GRID2: variants seen among roughly 807,000 people sequenced by gnomAD.
GRID2 encodes the protein glutamate receptor ionotropic, delta-2.
A neutral mutation model predicts 114.8 loss-of-function variants in GRID2; 33 were observed. The observed-to-expected ratio is 0.29, with a 90% confidence interval of 0.22 to 0.38. The LOEUF (loss-of-function observed/expected upper bound fraction) is 0.38. GRID2 is among the 10% of genes least tolerant of loss of function. The pLI is 1.00. For synonymous variants in GRID2, 505 were observed against 449.9 expected (o/e 1.12, Z -1.55); for missense variants, 1,184 against 1,257.7 (o/e 0.94, Z 0.89).
At chr4:92,729,876 T>C (rs1048767295) in intron 2 of GRID2, among the ~76,000 whole-genome samples, 2 of 151,922 alleles carry the variant, frequency 1.3e-5, no homozygotes, top group Non-Finnish European at 2.9e-5. Flanking sequence ...GGGTTTCCCA[T>C]GTACTAAAAC....
chr4:92,663,860 G>A (rs911263641), intron 2 of GRID2, among the ~76,000 whole-genome samples: 1 of 151,064 alleles, frequency 6.6e-6, no homozygotes, highest in Non-Finnish European at 1.5e-5. Context: ...TTTTGGCTAC[G>A]CTGAGTACCT....
At chr4:92,933,077 T>C (rs988814839) in intron 2 of GRID2, among the ~76,000 whole-genome samples, 2 of 150,886 alleles carry the variant, frequency 1.3e-5, no homozygotes, top group Non-Finnish European at 3.0e-5. Flanking sequence ...CATTTTATTT[T>C]ATATACATTA....
At chr4:93,375,095 A>G (rs115060343) in intron 8 of GRID2, among the ~76,000 whole-genome samples, 113 of 152,050 alleles carry the variant, frequency 7.4e-4, no homozygotes, top group African/African-American at 2.6e-3. Flanking sequence ...AATTTCATAA[A>G]CCGTAACCTA....
intron 4 of GRID2, among the ~76,000 whole-genome samples, chr4:93,182,942 T>A (rs1163102401): frequency 1.3e-5 from 2 of 152,196 alleles, no homozygotes; most frequent in Non-Finnish European, 2.9e-5. Context: ...AGTGGCGCCC[T>A]ACAATTTATG....
rs374230276 is a variant in GRID2, at chr4:93,678,112, G to A, written c.2360+51677G>A. Reference sequence around the variant, plus strand: ...CTGATGGAGCCGAAAGCCAAGGCTCGAGAACTGCATGAAGAATGTAGAAGC... The same window carrying A: ...CTGATGGAGCCGAAAGCCAAGGCTCAAGAACTGCATGAAGAATGTAGAAGC... On this transcript the variant is annotated intron_variant, in intron 14 of 15. Transcript: ENST00000282020. 1.8e-4 allele frequency among the ~76,000 whole-genome samples: 27 copies of A among 152,244 alleles called. No individual in the cohort carries two copies. The East Asian group carries it at 2.9e-3, about 16-fold the overall frequency.
At chr4:92,602,369 G>A (rs1729257905) in intron 2 of GRID2, among the ~76,000 whole-genome samples, 1 of 152,064 alleles carries the variant, frequency 6.6e-6, no homozygotes, top group African/African-American at 2.4e-5. Context: ...ACAAGTAGGT[G>A]TCATCCCTGG....
intron 1 of GRID2, among the ~76,000 whole-genome samples, chr4:92,468,621 C>CA (rs1027705129): frequency 1.1e-4 from 16 of 151,956 alleles, no homozygotes; most frequent in African/African-American, 3.9e-4. Context: ...GCCATGTAAA[C>CA]AAAAAAACAA....
intron 8 of GRID2, among the ~76,000 whole-genome samples, chr4:93,330,110 C>T (rs1225465383): frequency 6.6e-6 from 1 of 152,140 alleles, no homozygotes; most frequent in African/African-American, 2.4e-5. Context: ...CCAGATAATA[C>T]TAATATTTAA....
intron 14 of GRID2, among the ~76,000 whole-genome samples, chr4:93,730,582 C>A (rs1730392597): frequency 6.6e-6 from 1 of 152,186 alleles, no homozygotes; most frequent in African/African-American, 2.4e-5. Context: ...ATTGCACTTG[C>A]CCATGGAAGA....
chr4:92,600,059 T>TTC (rs1560481986), intron 2 of GRID2, among the ~76,000 whole-genome samples: 3 of 122,008 alleles, frequency 2.5e-5, no homozygotes, highest in Non-Finnish European at 5.1e-5. Context: ...TATATATATA[T>TTC]ATATATATAT....
In GRID2 at chr4:93,689,115, G is replaced by A. The variant is rs1054849637; in HGVS notation, c.2360+62680G>A. Among the ~76,000 whole-genome samples the A allele has an allele frequency of 2.0e-5, 3 of 151,966 alleles. No homozygotes were observed. The South Asian group carries it at 6.2e-4, about 31-fold the overall frequency. Reference sequence around the variant, plus strand: ...GAGAAGACGACGTGAAGACAATGGGGAGGAGGTGACCATCTACCAAGGAAG... The same window carrying A: ...GAGAAGACGACGTGAAGACAATGGGAAGGAGGTGACCATCTACCAAGGAAG... On this transcript the variant is annotated intron_variant, in intron 14 of 15. Coordinates refer to ENST00000282020, the MANE Select transcript of GRID2 (RefSeq NM_001510.4).
chr4:92,911,224 C>G (rs935621929), intron 2 of GRID2, among the ~76,000 whole-genome samples: 3 of 151,912 alleles, frequency 2.0e-5, no homozygotes, highest in Non-Finnish European at 2.9e-5. Context: ...TTGAAAGCAA[C>G]TTTAATTAAA....
chr4:93,159,560 T>C (rs1737488719), intron 4 of GRID2, among the ~76,000 whole-genome samples: 1 of 151,788 alleles, frequency 6.6e-6, no homozygotes, highest in African/African-American at 2.4e-5. Flanking sequence ...TAAGCTGATA[T>C]AGTAAAAGAA....
intron 2 of GRID2, among the ~76,000 whole-genome samples, chr4:92,894,682 T>C (rs1446246563): frequency 6.6e-6 from 1 of 152,090 alleles, no homozygotes; most frequent in Non-Finnish European, 1.5e-5. Flanking sequence ...AAAAGAACAA[T>C]TGTCTAACTG....
At chr4:93,369,943 C>T (rs1489298030) in intron 8 of GRID2, among the ~76,000 whole-genome samples, 2 of 152,126 alleles carry the variant, frequency 1.3e-5, no homozygotes, top group African/African-American at 2.4e-5. Context: ...TTATTTGTTG[C>T]AGGTTAGGCT....
chr4:92,773,923 GC>G (rs1375779833), intron 2 of GRID2, among the ~76,000 whole-genome samples: 1 of 151,964 alleles, frequency 6.6e-6, no homozygotes, highest in Non-Finnish European at 1.5e-5. Context: ...ATATTTAAAA[GC>G]CCTTCTACAT....
At chr4:92,829,615 A>G (rs986228950) in intron 2 of GRID2, among the ~76,000 whole-genome samples, 6 of 152,158 alleles carry the variant, frequency 3.9e-5, no homozygotes, top group African/African-American at 1.2e-4. Context: ...AAATCATTCT[A>G]TAAAGACATA....
At chr4:93,153,565 T>C (rs775834607) in intron 4 of GRID2, among the ~76,000 whole-genome samples, 1 of 152,040 alleles carries the variant, frequency 6.6e-6, no homozygotes, top group Non-Finnish European at 1.5e-5. Context: ...TTCTAGCCGA[T>C]GTGCTATGAA....
At chr4:93,132,751 G>C (rs1303145756) in intron 4 of GRID2, among the ~76,000 whole-genome samples, 1 of 152,196 alleles carries the variant, frequency 6.6e-6, no homozygotes, top group African/African-American at 2.4e-5. Context: ...GGCAGAGGGA[G>C]GGTTGGGGGT....
Sources: gnomAD v4.1 joint callset for allele counts (sites outside exome capture counted in the v4.1 genomes callset) on GRCh38, gnomAD v4.1.1 for gene constraint, MANE v1.5 for transcripts, NCBI Gene and HGNC (gene_info 2026-07-23, HGNC 2026-07-21) for gene names.